Variants in SMARCE1 observed in about 807,000 individuals in gnomAD.
SMARCE1 encodes SWI/SNF-related matrix-associated actin-dependent regulator of chromatin subfamily E member 1.
Under a neutral mutation model 54.9 loss-of-function variants are expected in SMARCE1, and 13 were observed. The ratio of observed to expected loss-of-function variants is 0.24; its 90% CI spans 0.15 to 0.38. SMARCE1 has a LOEUF of 0.38. Ranked by LOEUF, SMARCE1 falls within the 10% of genes least tolerant of loss-of-function variation. The pLI is 1.00. For missense variants in SMARCE1, 295 were observed against 523.8 expected (o/e 0.56, Z 4.26); for synonymous variants, 151 against 175.3 (o/e 0.86, Z 1.10).
At chr17:40,636,374 C>T (rs1396106149) in intron 6 of SMARCE1, 21 bp downstream of exon 6, 1 of 1,605,960 alleles carries the variant, frequency 6.2e-7, no homozygotes, top group Admixed American at 1.7e-5. Context: ...TTATCTATCC[C>T]ACTGTGAGCC....
At position 40,628,795 on chromosome 17, in the gene SMARCE1, T is replaced by C. The variant is rs770346178; in HGVS notation, c.1226A>G (p.Lys409Arg). The change falls in exon 11 of 11, where the codon AAA becomes AGA. Residue 409 changes from lysine to arginine, a missense_variant. Physicochemically the swap from Lys to Arg is conservative, Grantham distance 26. Coordinates refer to ENST00000348513, the MANE Select transcript of SMARCE1 (RefSeq NM_003079.5). ...AAAACAAGGCAACACTTATTCTTTT[T>C]TCTCATCTTCTGGTATGGGATCTGT... ...PPTDPIPEDEKKE is the reference protein window; with the variant it reads ...PPTDPIPEDERKE 9.3e-6 allele frequency: 15 copies of C among 1,612,754 alleles called. No individual in the cohort carries two copies. The South Asian group carries it at 1.6e-4, about 18-fold the overall frequency.
rs766656583 is a variant in SMARCE1 at position 40,630,746 on chromosome 17, T to G, written c.995A>C (p.Lys332Thr). Reference sequence around the variant, plus strand: ...CATCGGAATGTTCTCGTCGTCTTTCTTCTCCTCGCCTTTGTTAGCTGCTTG... The same window carrying G: ...CATCGGAATGTTCTCGTCGTCTTTCGTCTCCTCGCCTTTGTTAGCTGCTTG... ...EEQAANKGEE[K>T]KDDENIPMET... The change falls in exon 10 of 11, where the codon AAG becomes ACG. Residue 332 changes from lysine to threonine, a missense_variant. By Grantham distance (78) the Lys-to-Thr change is moderately conservative. Around this residue, in one of 5 missense-constraint regions of SMARCE1, gnomAD observed 147 missense variants for 161.4 expected, o/e 0.91. Transcript: ENST00000348513. 1 of 1,614,154 alleles carries G rather than the reference T, an allele frequency of 6.2e-7. No homozygotes were observed. The highest frequency in any genetic ancestry group is 2.2e-5 in the East Asian group (1 of 44,886).
At position 40,636,500 on chromosome 17, in the gene SMARCE1, G is replaced by A. The variant is rs761400708; in HGVS notation, c.264C>T (p.Asn88=). 7.4e-6 allele frequency: 12 copies of A among 1,612,356 alleles called. No homozygotes were observed. Among genetic ancestry groups the A allele is most frequent in the South Asian group, 1.1e-5 (1 of 91,028 alleles). Residue 88 remains asparagine (N), a synonymous_variant, in exon 6 of 11, where the codon AAC becomes AAT. Coordinates refer to ENST00000348513, the MANE Select transcript of SMARCE1 (RefSeq NM_003079.5). ...RKVWDQVKAS[N]PDLKLWEIGK... is the part of the protein sequence containing the mutation. The stretch of plus-strand genomic sequence containing the variant: ...CAATCTCCCACAACTTTAGGTCAGG[G>A]TTGGAAGCCTTTACTTGGTCCCAGA...
At position 40,628,099 on chromosome 17, in the gene SMARCE1, G is replaced by A. The variant is rs562576477; in HGVS notation, c.*686C>T. The A allele has an allele frequency of 6.6e-6, 1 of 152,636 alleles. No individual in the cohort carries two copies. Among genetic ancestry groups the A allele is most frequent in the African/African-American group, 2.4e-5 (1 of 41,534 alleles). The allele number at this position is 152,636 out of a possible 1,614,324, so 9.5% of individuals were successfully genotyped here. A position where few individuals can be genotyped will look rare whatever the true frequency, so the allele number is the denominator to read the frequency against. On this transcript the variant is annotated 3_prime_UTR_variant, in exon 11 of 11. Transcript: ENST00000348513. ...AATTTTTTTTCTATACAATAAGGAT[G>A]GATTTACCAGAACATACCCAGTATT...
In SMARCE1 at chr17:40,626,560, T is replaced by A. The variant is rs945927950; in HGVS notation, c.*2225A>T. On this transcript the variant is annotated 3_prime_UTR_variant, in exon 11 of 11. Coordinates refer to ENST00000348513, the MANE Select transcript of SMARCE1 (RefSeq NM_003079.5). ...GATTTTTACATCAATCTTCCCCTGC[T>A]GAGGTTCAGAGCTGTCAAATCCCAA... 6.6e-6 allele frequency: 1 copy of A among 152,110 alleles called. No individual in the cohort carries two copies. Among genetic ancestry groups the A allele is most frequent in the Non-Finnish European group, 1.5e-5 (1 of 68,062 alleles). The allele number at this position is 152,110 out of a possible 1,614,324, so 9.4% of individuals were successfully genotyped here.
At chr17:40,635,762 G>T in intron 7 of SMARCE1, 169 bp downstream of exon 7, 1 of 439,888 alleles carries the variant, frequency 2.3e-6, no homozygotes, top group South Asian at 8.9e-5. Context: ...TTTTTCTTGT[G>T]GGAAATTCAC....
intron 6 of SMARCE1, 69 bp from the exon 7 acceptor site, chr17:40,636,171 T>C (rs2037144308): frequency 1.5e-6 from 2 of 1,307,898 alleles, no homozygotes; most frequent in South Asian, 2.8e-5. Context: ...CTATGTTATC[T>C]CACTTGAATA....
rs1165719786 is a variant in SMARCE1 at position 40,625,597 on chromosome 17, A to C, written c.*3188T>G. ...CCTGTTCACGAGAAACCAAAGCTTC[A>C]ATTTAACTGCAGGCAATAGGAGTTT... On this transcript the variant is annotated 3_prime_UTR_variant, in exon 11 of 11. Transcript: ENST00000348513. The C allele has an allele frequency of 6.6e-6, 1 of 152,174 alleles. No homozygotes were observed. Among genetic ancestry groups the C allele is most frequent in the African/African-American group, 2.4e-5 (1 of 41,416 alleles). 9.4% of individuals were successfully genotyped at this position (152,174 alleles called of 1,614,324 possible).
Position 40,630,698 on chromosome 17 carries a change from G to C in SMARCE1, c.1027+16C>G, listed in dbSNP as rs779439710. ...AAGTCTTGGCACTGCCTCTGCGTTT[G>C]TTGCTAGTGGGTTACCTGTCTCCAT... On this transcript the variant is annotated intron_variant, in intron 10 of 10. Transcript: ENST00000348513. 3 of 1,607,372 alleles carry C rather than the reference G, an allele frequency of 1.9e-6. No homozygotes were observed. The highest frequency in any genetic ancestry group is 2.6e-6 in the Non-Finnish European group (3 of 1,173,906).
chr17:40,638,280 G>A (rs1032171909), intron 4 of SMARCE1, among the ~76,000 whole-genome samples: 5 of 151,998 alleles, frequency 3.3e-5, no homozygotes, highest in African/African-American at 9.7e-5. Context: ...GGCAGATATC[G>A]GGCCTGATTA....
intron 4 of SMARCE1, 148 bp from the exon 5 acceptor site, chr17:40,637,720 G>T (rs2037159907): frequency 3.2e-6 from 2 of 625,060 alleles, no homozygotes; most frequent in African/African-American, 3.7e-5. Flanking sequence ...TGCAAATTCA[G>T]AAATGTTCAA....
At chr17:40,632,521 A>C in intron 7 of SMARCE1, 154 bp from the exon 8 acceptor site, 1 of 612,626 alleles carries the variant, frequency 1.6e-6, no homozygotes, top group Non-Finnish European at 2.9e-6. Flanking sequence ...CAGTTACTTG[A>C]TAAAAACCAT....
chr17:40,644,945 A>G (rs1160395227), intron 3 of SMARCE1: 1 of 152,222 alleles, frequency 6.6e-6, no homozygotes, highest in Non-Finnish European at 1.5e-5. Context: ...TTGGAAAATT[A>G]TTTTACATGC....
intron 4 of SMARCE1, among the ~76,000 whole-genome samples, chr17:40,640,301 A>C (rs1282129941): frequency 6.6e-6 from 1 of 152,218 alleles, no homozygotes; most frequent in Non-Finnish European, 1.5e-5. Context: ...TCATCATCTG[A>C]ATGAAGAACT....
chr17:40,625,278 C>G lies in SMARCE1; in HGVS notation c.*3507G>C, dbSNP rs2143974053. The G allele has an allele frequency of 6.6e-6, 1 of 152,302 alleles. No homozygotes were observed. 9.4% of individuals were successfully genotyped at this position (152,302 alleles called of 1,614,324 possible). Reference sequence around the variant, plus strand: ...TTCCTTTCCATCCTGATCAAAGAAACATTATTGCAGTAAGCCACATTATAA... The same window carrying G: ...TTCCTTTCCATCCTGATCAAAGAAAGATTATTGCAGTAAGCCACATTATAA... On this transcript the variant is annotated 3_prime_UTR_variant, in exon 11 of 11. Transcript: ENST00000348513.
chr17:40,645,162 A>C (rs2037241756), intron 3 of SMARCE1: 1 of 260,680 alleles, frequency 3.8e-6, no homozygotes, highest in Non-Finnish European at 7.1e-6. Flanking sequence ...TTTAATATGA[A>C]AATTTTAGAG....
At position 40,636,529 on chromosome 17, in the gene SMARCE1, T is replaced by C; in HGVS notation, c.238-3A>G. The C allele has an allele frequency of 6.2e-7, 1 of 1,609,032 alleles. No homozygotes were observed. Among genetic ancestry groups the C allele is most frequent in the Non-Finnish European group, 8.5e-7 (1 of 1,175,938 alleles). The stretch of plus-strand genomic sequence containing the variant: ...GAAGCCTTTACTTGGTCCCAGACCT[T>C]AAAAAGAAAACAGATGAAATGTTAA... On this transcript the variant is annotated splice_polypyrimidine_tract_variant and splice_region_variant and intron_variant, in intron 5 of 10. Coordinates refer to ENST00000348513, the MANE Select transcript of SMARCE1 (RefSeq NM_003079.5).
rs1392280484 is a variant in SMARCE1 at position 40,624,975 on chromosome 17, G to C, written c.*3810C>G. 1.3e-5 allele frequency: 2 copies of C among 152,186 alleles called. No homozygotes were observed. The highest frequency in any genetic ancestry group is 4.8e-5 in the African/African-American group (2 of 41,452). The allele number at this position is 152,186 out of a possible 1,614,324, so 9.4% of individuals were successfully genotyped here. A position where few individuals can be genotyped will look rare whatever the true frequency, so the allele number is the denominator to read the frequency against. On this transcript the variant is annotated 3_prime_UTR_variant, in exon 11 of 11. Transcript: ENST00000348513. The stretch of plus-strand genomic sequence containing the variant: ...TTAAAAACTCAATAGTTTGAAATTT[G>C]CATTTTAATCAGCGTTTGGCTAACA...
Position 40,628,272 on chromosome 17 carries a change from C to G in SMARCE1, c.*513G>C, listed in dbSNP as rs779872295. The G allele has an allele frequency of 1.3e-5, 2 of 156,248 alleles. No homozygotes were observed. The highest frequency in any genetic ancestry group is 4.8e-5 in the African/African-American group (2 of 41,450). The allele number at this position is 156,248 out of a possible 1,614,324, so 9.7% of individuals were successfully genotyped here. A position where few individuals can be genotyped will look rare whatever the true frequency, so the allele number is the denominator to read the frequency against. On this transcript the variant is annotated 3_prime_UTR_variant, in exon 11 of 11. Coordinates refer to ENST00000348513, the MANE Select transcript of SMARCE1 (RefSeq NM_003079.5). ...GTTACACACTACACTCAGCTTAACACAACTCTTGGTATCTGACATTGATTA... is the reference window on the plus strand; with the variant it reads ...GTTACACACTACACTCAGCTTAACAGAACTCTTGGTATCTGACATTGATTA...
Sources: gnomAD v4.1 joint callset for allele counts (sites outside exome capture counted in the v4.1 genomes callset) on GRCh38, gnomAD v4.1.1 for gene constraint, gnomAD v4.1.1 regional missense constraint, MANE v1.5 for transcripts, NCBI Gene and HGNC (gene_info 2026-07-23, HGNC 2026-07-21) for gene names.